USP54: variants seen among roughly 807,000 people sequenced by gnomAD.
The protein encoded by USP54 is ubiquitin carboxyl-terminal hydrolase 54.
A neutral mutation model predicts 170.5 loss-of-function variants in USP54; 87 were observed. The ratio of observed to expected loss-of-function variants is 0.51; its 90% CI spans 0.43 to 0.61. The LOEUF is 0.61. Among genes scored for constraint, USP54 ranks in the 20% least tolerant of loss-of-function variants. USP54 has a pLI of 0.00. For synonymous variants in USP54, 655 were observed against 742.8 expected, an observed-to-expected ratio of 0.88 and a Z score of 1.92; for missense variants, 1,786 against 2,047.8, an observed-to-expected ratio of 0.87 and a Z score of 2.47.
chr10:73,552,242 G>T (rs539903151), intron 4 of USP54, among the ~76,000 whole-genome samples: 1 of 151,996 alleles, frequency 6.6e-6, no homozygotes, highest in East Asian at 1.9e-4. Flanking sequence ...GTGAAATCCC[G>T]TCTCTACTAA....
Position 73,609,413 on chromosome 10 carries a change from T to C in USP54, c.-18+16154A>G, listed in dbSNP as rs1276262460. ...TTTCCACAGAGAATACATTTTTCTA[T>C]ATAAACTTTACCATGAGGCTGGGTG... is the stretch of plus-strand genomic sequence containing the variant. On this transcript the variant is annotated intron_variant, in intron 1 of 22. Coordinates refer to the USP54 transcript ENST00000339859. Among the ~76,000 whole-genome samples the C allele has an allele frequency of 3.9e-5, 6 of 152,308 alleles. No individual in the cohort carries two copies. The South Asian group carries it at 8.3e-4, about 21-fold the overall frequency.
intron 4 of USP54, among the ~76,000 whole-genome samples, chr10:73,567,636 C>T (rs960676085): frequency 6.6e-5 from 10 of 152,178 alleles, no homozygotes; most frequent in Non-Finnish European, 1.5e-4. Flanking sequence ...CGCGCCATTG[C>T]ACTCCAGTCT....
At chr10:73,624,191 TATATGTA>T (rs1359902227) in intron 1 of USP54, among the ~76,000 whole-genome samples, 39 of 127,072 alleles carry the variant, frequency 3.1e-4, no homozygotes, top group African/African-American at 8.9e-4. Context: ...TATATATATA[TATATGTA>T]TTTTTTTTTT....
rs574405588 is a variant in USP54 at position 73,575,422 on chromosome 10, A to G, written c.147+90T>C. The G allele has an allele frequency of 1.4e-3, 1,890 of 1,381,158 alleles. 35 individuals are homozygous for G. The South Asian group carries it at 0.03, about 22-fold the overall frequency. 85.6% of individuals were successfully genotyped at this position (1,381,158 alleles called of 1,614,324 possible). Reference sequence around the variant, plus strand: ...AGGTTACTAACCTCAAACAGAGACTATCAAACATTTTATTTAAAAAGAGTT... The same window carrying G: ...AGGTTACTAACCTCAAACAGAGACTGTCAAACATTTTATTTAAAAAGAGTT... On this transcript the variant is annotated intron_variant, in intron 3 of 23. Coordinates refer to ENST00000687698, the MANE Select transcript of USP54 (RefSeq NM_001391956.1).
intron 3 of USP54, 98 bp downstream of exon 3, chr10:73,575,414 C>A: frequency 7.5e-7 from 1 of 1,332,392 alleles, no homozygotes; most frequent in Non-Finnish European, 9.8e-7. Flanking sequence ...TAACCTCAAA[C>A]AGAGACTATC....
chr10:73,614,710 T>C (rs2080476968), intron 1 of USP54, among the ~76,000 whole-genome samples: 1 of 150,242 alleles, frequency 6.7e-6, no homozygotes, highest in Admixed American at 6.6e-5. Flanking sequence ...CAGTTGCATA[T>C]TTGTGGAGAA....
At position 73,517,552 on chromosome 10, in the gene USP54, C is replaced by G. The variant is rs144319515; in HGVS notation, c.2874G>C (p.Ser958=). The G allele has an allele frequency of 6.2e-7, 1 of 1,614,122 alleles. No individual in the cohort carries two copies. Among genetic ancestry groups the G allele is most frequent in the Middle Eastern group, 1.6e-4 (1 of 6,062 alleles). The change falls in exon 20 of 24, where the codon TCG becomes TCC. Residue 958 remains serine (S), a synonymous_variant. Coordinates refer to ENST00000687698, the MANE Select transcript of USP54 (RefSeq NM_001391956.1). ...PSRSALKLLT[S]VEVDNIEPSA... ...AGGGTTCAATGTTGTCTACTTCAAC[C>G]GAAGTCAGAAGCTTCAAGGCAGATC...
intron 1 of USP54, among the ~76,000 whole-genome samples, chr10:73,601,336 T>C (rs1282241215): frequency 6.6e-6 from 1 of 152,034 alleles, no homozygotes; most frequent in Non-Finnish European, 1.5e-5. Flanking sequence ...TCATGGAAAG[T>C]CACCTCAAAA....
chr10:73,520,125 AC>A, intron 18 of USP54, 133 bp from the exon 19 acceptor site: 1 of 1,294,206 alleles, frequency 7.7e-7, no homozygotes, highest in Non-Finnish European at 1.1e-6. Context: ...CAAGGCATGG[AC>A]CATGCATATG....
intron 15 of USP54, among the ~76,000 whole-genome samples, chr10:73,528,773 C>T (rs2063453519): frequency 6.6e-6 from 1 of 152,162 alleles, no homozygotes; most frequent in African/African-American, 2.4e-5. Context: ...CGTGAGCCAA[C>T]ATGCCTGACC....
chr10:73,539,963 T>C (rs2066233631), intron 9 of USP54, among the ~76,000 whole-genome samples: 1 of 151,658 alleles, frequency 6.6e-6, no homozygotes, highest in African/African-American at 2.4e-5. Context: ...CCATCTCTAC[T>C]AAAAATACAA....
chr10:73,622,283 G>T (rs1009662729), intron 1 of USP54, among the ~76,000 whole-genome samples: 15 of 151,348 alleles, frequency 9.9e-5, no homozygotes, highest in African/African-American at 2.7e-4. Flanking sequence ...TATTATTATT[G>T]CCTTAAGACT....
At chr10:73,621,548 C>T (rs1285629633) in intron 1 of USP54, among the ~76,000 whole-genome samples, 1 of 133,018 alleles carries the variant, frequency 7.5e-6, no homozygotes, top group Non-Finnish European at 1.5e-5. Context: ...TGCAGTGAGC[C>T]AAGATTGCGC....
At chr10:73,557,274 T>C (rs2071338505) in intron 4 of USP54, among the ~76,000 whole-genome samples, 1 of 151,380 alleles carries the variant, frequency 6.6e-6, no homozygotes, top group Non-Finnish European at 1.5e-5. Flanking sequence ...TGAGATAGAA[T>C]AAATTTGGGG....
At chr10:73,596,656 T>C (rs2078757956) in intron 1 of USP54, among the ~76,000 whole-genome samples, 1 of 145,470 alleles carries the variant, frequency 6.9e-6, no homozygotes, top group African/African-American at 2.6e-5. Context: ...GAGGTGGAGG[T>C]TGCAGTGAGC....
chr10:73,508,961 G>A (rs1347873281), intron 20 of USP54, among the ~76,000 whole-genome samples: 3 of 150,226 alleles, frequency 2.0e-5, no homozygotes, highest in Non-Finnish European at 4.4e-5. Flanking sequence ...CAGTGCACCC[G>A]GCCAGAACAT....
chr10:73,540,498 A>G (rs1226787863), intron 9 of USP54, among the ~76,000 whole-genome samples: 1 of 152,030 alleles, frequency 6.6e-6, no homozygotes, highest in East Asian at 1.9e-4. Flanking sequence ...TGAACCCAGG[A>G]AGCGGAGCTT....
At chr10:73,539,110 C>G (rs2065951620) in intron 10 of USP54, among the ~76,000 whole-genome samples, 1 of 151,680 alleles carries the variant, frequency 6.6e-6, no homozygotes, top group African/African-American at 2.4e-5. Flanking sequence ...GAAACTCTGT[C>G]TCTACTAAAA....
intron 20 of USP54, chr10:73,506,771 C>A (rs1172836996): frequency 6.6e-6 from 1 of 152,036 alleles, no homozygotes; most frequent in African/African-American, 2.4e-5. Flanking sequence ...AAGAAAATAT[C>A]CTTGAACATT....
Sources: gnomAD v4.1 joint callset for allele counts (sites outside exome capture counted in the v4.1 genomes callset) on GRCh38, gnomAD v4.1.1 for gene constraint, MANE v1.5 for transcripts, NCBI Gene and HGNC (gene_info 2026-07-23, HGNC 2026-07-21) for gene names.